The following LINGO2 variants were observed in gnomAD, a reference collection of about 807,000 sequenced individuals.
The protein encoded by LINGO2 is leucine-rich repeat and immunoglobulin-like domain-containing nogo receptor-interacting protein 2.
LINGO2 carries 14 observed loss-of-function variants against 30.6 expected under a neutral mutation model. That is an observed-to-expected ratio of 0.46 (90% CI 0.30 to 0.72). The LOEUF (loss-of-function observed/expected upper bound fraction) is 0.72, where lower values mean the gene tolerates loss of function less well. Ranked by LOEUF, LINGO2 falls within the 30% of genes least tolerant of loss-of-function variation. LINGO2 has a pLI of 0.07. For missense variants in LINGO2, 729 were observed against 751.7 expected, an observed-to-expected ratio of 0.97 and a Z score of 0.35; for synonymous variants, 317 against 288.5, an observed-to-expected ratio of 1.10 and a Z score of -1.00.
intron 2 of LINGO2, 62 bp downstream of exon 4, chr9:28,475,878 C>T (rs1825709445): frequency 6.6e-6 from 1 of 152,576 alleles, no homozygotes; most frequent in South Asian, 2.1e-4. Flanking sequence ...ACTATGCAGA[C>T]TTTTTGCATA....
At chr9:28,992,507 A>C in the LINGO2 span, among the ~76,000 whole-genome samples, 7 of 151,950 alleles carry the variant, frequency 4.6e-5, no homozygotes, top group Admixed American at 1.3e-4. Context: ...CTCTGCACCA[A>C]GCAGACCTAA....
chr9:28,814,745 G>A, the LINGO2 span, among the ~76,000 whole-genome samples: 5 of 152,010 alleles, frequency 3.3e-5, no homozygotes, highest in East Asian at 1.9e-4. Flanking sequence ...AAAATTAGCC[G>A]GGCATGGTGG....
chr9:28,945,387 T>C, the LINGO2 span, among the ~76,000 whole-genome samples: 1 of 152,198 alleles, frequency 6.6e-6, no homozygotes. Flanking sequence ...TAACTTTTTA[T>C]AAGTACGTGG....
the LINGO2 span, among the ~76,000 whole-genome samples, chr9:29,057,355 T>C: frequency 6.6e-6 from 1 of 152,178 alleles, no homozygotes; most frequent in Non-Finnish European, 1.5e-5. Flanking sequence ...GAGTATCTGA[T>C]AGTAAATTGT....
intron 4 of LINGO2, among the ~76,000 whole-genome samples, chr9:28,169,187 C>G (rs1456349953): frequency 2.6e-5 from 4 of 152,148 alleles, no homozygotes; most frequent in Admixed American, 1.3e-4. Context: ...ACTTTAACAA[C>G]TCAATTCACT....
At chr9:28,869,208 G>A in the LINGO2 span, among the ~76,000 whole-genome samples, 1 of 152,010 alleles carries the variant, frequency 6.6e-6, no homozygotes, top group African/African-American at 2.4e-5. Context: ...GAATCAAAGG[G>A]AATACTTAAT....
the LINGO2 span, among the ~76,000 whole-genome samples, chr9:29,001,255 A>C: frequency 6.6e-6 from 1 of 151,992 alleles, no homozygotes; most frequent in Non-Finnish European, 1.5e-5. Flanking sequence ...CATTATAGGC[A>C]AAGTAGTACT....
the LINGO2 span, among the ~76,000 whole-genome samples, chr9:28,708,051 T>C: frequency 6.6e-6 from 1 of 152,146 alleles, no homozygotes; most frequent in Admixed American, 6.5e-5. Context: ...TAACTTCCTC[T>C]ATTTCAAGTA....
At chr9:28,242,600 T>A (rs1247609424) in intron 4 of LINGO2, among the ~76,000 whole-genome samples, 1 of 152,034 alleles carries the variant, frequency 6.6e-6, no homozygotes, top group African/African-American at 2.4e-5. Flanking sequence ...CAGGCCAACA[T>A]TCAAATTCGG....
chr9:27,951,575 T>C (rs924496268), intron 5 of LINGO2, among the ~76,000 whole-genome samples: 3 of 152,084 alleles, frequency 2.0e-5, no homozygotes, highest in Non-Finnish European at 4.4e-5. Context: ...TAAAGTGAAA[T>C]TAAATAGGTA....
chr9:28,959,853 T>C, the LINGO2 span, among the ~76,000 whole-genome samples: 1 of 152,166 alleles, frequency 6.6e-6, no homozygotes, highest in Non-Finnish European at 1.5e-5. Flanking sequence ...ACTTTTAATA[T>C]ATACCAACTC....
chr9:28,184,150 C>G (rs546465205), intron 4 of LINGO2, among the ~76,000 whole-genome samples: 11 of 152,180 alleles, frequency 7.2e-5, no homozygotes, highest in Middle Eastern at 6.8e-3. Flanking sequence ...TTCTAAGGAA[C>G]ACAGGAGGGT....
At chr9:28,944,100 C>T in the LINGO2 span, among the ~76,000 whole-genome samples, 4 of 152,098 alleles carry the variant, frequency 2.6e-5, no homozygotes, top group Non-Finnish European at 4.4e-5. Flanking sequence ...AGGCAGTAAG[C>T]GAGACTTCTT....
the LINGO2 span, among the ~76,000 whole-genome samples, chr9:29,139,712 C>G: frequency 2.0e-5 from 3 of 151,966 alleles, no homozygotes; most frequent in South Asian, 6.2e-4. Flanking sequence ...AGAGTTCATC[C>G]CCCTTCACAT....
intron 4 of LINGO2, among the ~76,000 whole-genome samples, chr9:28,261,124 T>C (rs1180243458): frequency 6.6e-6 from 1 of 152,002 alleles, no homozygotes; most frequent in African/African-American, 2.4e-5. Flanking sequence ...TAAATTATTA[T>C]GTAAAAAATA....
intron 4 of LINGO2, among the ~76,000 whole-genome samples, chr9:28,146,349 T>G (rs1001143928): frequency 3.3e-5 from 5 of 152,140 alleles, no homozygotes; most frequent in African/African-American, 7.2e-5. Context: ...ATAAAAACTA[T>G]AGAGTTATTT....
chr9:28,199,411 T>G (rs1228093189), intron 4 of LINGO2, among the ~76,000 whole-genome samples: 2 of 151,206 alleles, frequency 1.3e-5, no homozygotes, highest in African/African-American at 4.9e-5. Context: ...CGATCTTGGC[T>G]CACTGCAAGC....
the LINGO2 span, among the ~76,000 whole-genome samples, chr9:29,162,811 A>T: frequency 6.6e-6 from 1 of 152,292 alleles, no homozygotes; most frequent in African/African-American, 2.4e-5. Context: ...AGCTGGAGAA[A>T]AAAATACTCC....
the LINGO2 span, among the ~76,000 whole-genome samples, chr9:29,100,343 T>A: frequency 3.3e-5 from 5 of 152,078 alleles, no homozygotes; most frequent in Admixed American, 6.6e-5. Flanking sequence ...ATGCCTGTAA[T>A]CCCAGAACTT....
Sources: allele counts gnomAD v4.1 joint callset (sites outside exome capture counted in the v4.1 genomes callset), GRCh38; gene constraint gnomAD v4.1.1; transcripts MANE v1.5; gene names NCBI Gene and HGNC (gene_info 2026-07-23, HGNC 2026-07-21).